Variants in PRH1 observed in about 807,000 individuals in gnomAD.
PRH1 encodes the protein salivary acidic proline-rich phosphoprotein 1/2.
In PRH1, 7 loss-of-function variants were observed where a neutral mutation model predicts 7.9. That is an observed-to-expected ratio of 0.89 (90% CI 0.50 to 1.67). The LOEUF (loss-of-function observed/expected upper bound fraction) is 1.67, where lower values mean the gene tolerates loss of function less well. Ranked by LOEUF, PRH1 falls within the 40% of genes most tolerant of loss-of-function variation. The pLI, the probability that PRH1 is intolerant of heterozygous loss-of-function variation, is 0.00. For missense variants in PRH1, 109 were observed against 223.6 expected, an observed-to-expected ratio of 0.49 and a Z score of 3.27; for synonymous variants, 45 against 80.8, an observed-to-expected ratio of 0.56 and a Z score of 2.38.
chr12:11,161,415 T>A (rs1200784547), intron 1 of PRH1, among the ~76,000 whole-genome samples: 1 of 152,196 alleles, frequency 6.6e-6, no homozygotes, highest in East Asian at 1.9e-4. Flanking sequence ...TCTTGGAGAC[T>A]GGCAACACGA....
intron 1 of PRH1, among the ~76,000 whole-genome samples, chr12:11,054,098 C>T (rs78475808): frequency 1.7e-5 from 2 of 116,982 alleles, no homozygotes; most frequent in Non-Finnish European, 4.0e-5. Context: ...GGGATTACAA[C>T]CATGAGCCAT....
chr12:10,964,844 T>A, intron 2 of PRH1: 1 of 548,106 alleles, frequency 1.8e-6, no homozygotes, highest in South Asian at 1.8e-5. Context: ...GTGCGTCGGA[T>A]CACTCAATTT....
chr12:10,952,218 G>A (rs944107796), intron 2 of PRH1, among the ~76,000 whole-genome samples: 1 of 152,150 alleles, frequency 6.6e-6, no homozygotes, highest in African/African-American at 2.4e-5. Context: ...GATGTAATAG[G>A]TTCAAGAAAG....
intron 1 of PRH1, among the ~76,000 whole-genome samples, chr12:11,151,385 TGC>T (rs1237622160): frequency 8.6e-5 from 13 of 151,930 alleles, no homozygotes; most frequent in Non-Finnish European, 1.5e-4. Context: ...AGTTGAGAAA[TGC>T]ACAGAGGGGA....
chr12:11,098,261 T>G (rs955151800), intron 1 of PRH1, among the ~76,000 whole-genome samples: 1 of 150,802 alleles, frequency 6.6e-6, no homozygotes, highest in Non-Finnish European at 1.5e-5. Flanking sequence ...ACCTAATTTG[T>G]AAATCTGCTG....
At chr12:11,041,741 C>A (rs1293329727) in intron 1 of PRH1, among the ~76,000 whole-genome samples, 1 of 152,160 alleles carries the variant, frequency 6.6e-6, no homozygotes, top group African/African-American at 2.4e-5. Context: ...CAAAACAAGT[C>A]TTAAACAATC....
intron 1 of PRH1, among the ~76,000 whole-genome samples, chr12:11,138,965 G>A (rs1053281086): frequency 3.9e-5 from 6 of 152,070 alleles, no homozygotes; most frequent in South Asian, 2.1e-4. Context: ...ACTTCAGCCC[G>A]GGTGGCAGAG....
At chr12:10,976,304 AC>A (rs1228730264) in intron 1 of PRH1, among the ~76,000 whole-genome samples, 1 of 152,166 alleles carries the variant, frequency 6.6e-6, no homozygotes, top group Non-Finnish European at 1.5e-5. Flanking sequence ...AAATTAAACA[AC>A]CCTCTCCTGA....
At chr12:10,987,499 T>A (rs1468191901) in intron 1 of PRH1, among the ~76,000 whole-genome samples, 1 of 152,010 alleles carries the variant, frequency 6.6e-6, no homozygotes, top group Non-Finnish European at 1.5e-5. Context: ...TACTTTTGTG[T>A]GAATTTATTG....
chr12:11,009,287 C>G (rs1940966833), intron 1 of PRH1, among the ~76,000 whole-genome samples: 1 of 151,764 alleles, frequency 6.6e-6, no homozygotes, highest in Non-Finnish European at 1.5e-5. Flanking sequence ...GAATGTGGCT[C>G]TTTTTAACAT....
rs796817214 is a variant in PRH1, at chr12:11,073,363, G to A, written n.124-26175C>T. Among the ~76,000 whole-genome samples, 8 of 119,344 alleles carry A rather than the reference G, an allele frequency of 6.7e-5. 1 individual carries two copies. The highest frequency in any genetic ancestry group is 2.3e-4 in the African/African-American group (8 of 35,070). 78.3% of individuals were successfully genotyped at this position (119,344 alleles called of 152,430 possible). On this transcript the variant is annotated intron_variant and non_coding_transcript_variant, in intron 1 of 4. Transcript: ENST00000541977. ...TAGCCAGGCTGGTCTCAAACTCATG[G>A]CCTCAAGTGATCTGCCCACCTTGGC... is the stretch of plus-strand genomic sequence containing the variant.
intron 1 of PRH1, chr12:11,077,852 C>T: frequency 9.9e-7 from 1 of 1,012,752 alleles, no homozygotes; most frequent in Non-Finnish European, 1.5e-6. Context: ...AACAGTATCA[C>T]CAGAACAACA....
intron 2 of PRH1, among the ~76,000 whole-genome samples, chr12:10,928,864 C>T (rs1950159863): frequency 6.6e-6 from 1 of 151,484 alleles, no homozygotes; most frequent in Non-Finnish European, 1.5e-5. Flanking sequence ...GCCCAACCCC[C>T]TGACACACCC....
At chr12:11,112,571 G>C (rs1202273055) in intron 1 of PRH1, among the ~76,000 whole-genome samples, 1 of 152,130 alleles carries the variant, frequency 6.6e-6, no homozygotes, top group Non-Finnish European at 1.5e-5. Flanking sequence ...TATCTCAACA[G>C]ATGCAGAAAA....
intron 1 of PRH1, among the ~76,000 whole-genome samples, chr12:11,135,105 C>G (rs1412107847): frequency 1.3e-5 from 2 of 152,040 alleles, no homozygotes; most frequent in Non-Finnish European, 2.9e-5. Flanking sequence ...AAGTTTCTCT[C>G]AAGTCTAATA....
chr12:11,069,564 A>G (rs555675525), intron 1 of PRH1, among the ~76,000 whole-genome samples: 5 of 152,344 alleles, frequency 3.3e-5, no homozygotes, highest in East Asian at 1.9e-4. Context: ...ACTACGTTCA[A>G]TGTGGCTAAT....
chr12:10,942,691 C>A lies in PRH1; in HGVS notation c.-59+30964G>T, dbSNP rs1045080427. 2.6e-5 allele frequency among the ~76,000 whole-genome samples: 4 copies of A among 152,180 alleles called. No individual in the cohort carries two copies. The South Asian group carries it at 8.3e-4, about 32-fold the overall frequency. On this transcript the variant is annotated intron_variant, in intron 2 of 3. Transcript: ENST00000539853. ...TCTTCCCCTGCCTATTTAGTCTGCA[C>A]AATGGATTTGAACTCTTCCCTCAGT... is the stretch of plus-strand genomic sequence containing the variant.
chr12:10,961,200 G>T (rs765432131), intron 2 of PRH1, among the ~76,000 whole-genome samples: 9 of 143,692 alleles, frequency 6.3e-5, no homozygotes, highest in Admixed American at 2.0e-4. Context: ...AACTCCTAGG[G>T]AATTAGTGCA....
rs1352659586 is a variant in PRH1, at chr12:11,077,789, T to C, written n.124-30601A>G. ...CCTTCATATTCTTTTGTCCACACACTGTCATCCATGGTTATCACAGCAAGA... is the reference window on the plus strand; with the variant it reads ...CCTTCATATTCTTTTGTCCACACACCGTCATCCATGGTTATCACAGCAAGA... On this transcript the variant is annotated intron_variant and non_coding_transcript_variant, in intron 1 of 4. Coordinates refer to the PRH1 transcript ENST00000541977. 1.7e-6 allele frequency: 2 copies of C among 1,158,632 alleles called. 1 individual carries two copies. Among genetic ancestry groups the C allele is most frequent in the African/African-American group, 2.9e-5 (2 of 68,254 alleles). 71.8% of individuals were successfully genotyped at this position (1,158,632 alleles called of 1,614,324 possible). A position where few individuals can be genotyped will look rare whatever the true frequency, so the allele number is the denominator to read the frequency against.
Sources: gnomAD v4.1 joint callset for allele counts (sites outside exome capture counted in the v4.1 genomes callset) on GRCh38, gnomAD v4.1.1 for gene constraint, MANE v1.5 for transcripts, NCBI Gene and HGNC (gene_info 2026-07-23, HGNC 2026-07-21) for gene names.